Variants in DNAH2 observed in about 807,000 individuals in gnomAD.
DNAH2 encodes dynein axonemal heavy chain 2.
A neutral mutation model predicts 523.5 loss-of-function variants in DNAH2; 323 were observed. The ratio of observed to expected loss-of-function variants is 0.62; its 90% CI spans 0.56 to 0.68. DNAH2 has a LOEUF of 0.68. DNAH2 is among the 30% of genes least tolerant of loss of function. DNAH2 has a pLI of 0.00. For synonymous variants in DNAH2, 2,093 were observed against 2,177.4 expected (o/e 0.96, Z 1.08); for missense variants, 4,907 against 5,701.5 (o/e 0.86, Z 4.49).
intron 63 of DNAH2, among the ~76,000 whole-genome samples, chr17:7,815,141 C>A (rs2077624019): frequency 6.6e-6 from 1 of 152,238 alleles, no homozygotes; most frequent in Non-Finnish European, 1.5e-5. Context: ...AGAATATCTT[C>A]TGGAGAGTGA....
chr17:7,740,590 T>G, intron 10 of DNAH2, 41 bp downstream of exon 10: 1 of 1,607,206 alleles, frequency 6.2e-7, no homozygotes, highest in African/African-American at 1.3e-5. Context: ...CCGTCCCGCG[T>G]GCTTTCCTGG....
chr17:7,734,547 G>A lies in DNAH2; in HGVS notation c.817G>A (p.Gly273Ser), dbSNP rs766570077. 1.4e-5 allele frequency: 22 copies of A among 1,613,696 alleles called. No individual in the cohort carries two copies. Among genetic ancestry groups the A allele is most frequent in the Non-Finnish European group, 1.8e-5 (21 of 1,180,006 alleles). ...QETVETGENLGPLEEIEFWRN... is the reference protein window; with the variant it reads ...QETVETGENLSPLEEIEFWRN... Reference sequence around the variant, plus strand: ...GACTGTGGAGACAGGAGAAAATTTAGGTCCTCTGGAGGAGATTGAGTTCTG... The same window carrying A: ...GACTGTGGAGACAGGAGAAAATTTAAGTCCTCTGGAGGAGATTGAGTTCTG... Residue 273 changes from glycine (G) to serine (S), a missense_variant, in exon 7 of 86, where the codon GGT becomes AGT. Coordinates refer to ENST00000572933, the MANE Select transcript of DNAH2 (RefSeq NM_020877.5).
Position 7,792,235 on chromosome 17 carries a change from C to T in DNAH2, c.7054-17C>T, listed in dbSNP as rs373423768. 56 of 1,612,510 alleles carry T rather than the reference C, an allele frequency of 3.5e-5. No individual in the cohort carries two copies. The highest frequency in any genetic ancestry group is 3.3e-4 in the Middle Eastern group (2 of 6,082). On this transcript the variant is annotated splice_polypyrimidine_tract_variant and intron_variant, in intron 45 of 85. Transcript: ENST00000572933. Reference sequence around the variant, plus strand: ...TCAAGGAAGGCTTTGGTAACCTGACCTACATGCCCTCCTTAGGACACGGTA... The same window carrying T: ...TCAAGGAAGGCTTTGGTAACCTGACTTACATGCCCTCCTTAGGACACGGTA...
chr17:7,833,199 G>A lies in DNAH2; in HGVS notation c.13107G>A (p.Glu4369=). The part of the protein sequence containing the change: ...LMPTIHFRPA[E]SRKKSAKGMY... Reference sequence around the variant, plus strand: ...CCACGATCCACTTCCGGCCTGCAGAGAGCCGCAAGAAGAGCGCCAAGGGTG... The same window carrying A: ...CCACGATCCACTTCCGGCCTGCAGAAAGCCGCAAGAAGAGCGCCAAGGGTG... Residue 4369 remains glutamate, a synonymous_variant, in exon 85 of 86, where the codon GAG becomes GAA. Coordinates refer to ENST00000572933, the MANE Select transcript of DNAH2 (RefSeq NM_020877.5). 4.4e-6 allele frequency: 7 copies of A among 1,607,750 alleles called. No homozygotes were observed. The highest frequency in any genetic ancestry group is 4.2e-6 in the Non-Finnish European group (5 of 1,179,986).
At chr17:7,768,451 A>T (rs960350810) in intron 24 of DNAH2, among the ~76,000 whole-genome samples, 184 bp downstream of exon 24, 2 of 152,210 alleles carry the variant, frequency 1.3e-5, no homozygotes, top group Non-Finnish European at 2.9e-5. Context: ...AAAATTGCAT[A>T]CACTTTGGTG....
intron 77 of DNAH2, among the ~76,000 whole-genome samples, chr17:7,827,630 G>A (rs995766959): frequency 6.6e-6 from 1 of 151,960 alleles, no homozygotes; most frequent in African/African-American, 2.4e-5. Flanking sequence ...ATTTTTTGTA[G>A]AGACGGGGTT....
chr17:7,786,156 C>G lies in DNAH2; in HGVS notation c.6162C>G (p.Asp2054Glu). The part of the protein sequence containing the change: ...LRETVEQEIR[D>E]MGLQSTPFTL... ...AGACCGTTGAGCAGGAGATTCGAGACATGGGCCTGCAAAGCACGCCGTTCA... is the reference window on the plus strand; with the variant it reads ...AGACCGTTGAGCAGGAGATTCGAGAGATGGGCCTGCAAAGCACGCCGTTCA... The change falls in exon 40 of 86, where the codon GAC becomes GAG. Residue 2054 changes from aspartate to glutamate, a missense_variant. By Grantham distance (45) the Asp-to-Glu change is conservative. Around this residue, in one of 3 missense-constraint regions of DNAH2, gnomAD observed 2,806 missense variants for 3,190.8 expected, o/e 0.88. Coordinates refer to ENST00000572933, the MANE Select transcript of DNAH2 (RefSeq NM_020877.5). The surrounding 1 kb of genome is among the most constrained non-coding windows in gnomAD (Gnocchi z 7.5). 1 of 1,613,976 alleles carries G rather than the reference C, an allele frequency of 6.2e-7. No homozygotes were observed. The highest frequency in any genetic ancestry group is 8.5e-7 in the Non-Finnish European group (1 of 1,180,022).
rs749198711 is a variant in DNAH2 at position 7,793,016 on chromosome 17, C to T, written c.7380C>T (p.Ser2460=). The change falls in exon 48 of 86, where the codon AGC becomes AGT. Residue 2460 remains serine, a synonymous_variant. Transcript: ENST00000572933. ...TSNNVQSIIE[S]RVEKRTKGVY... Reference sequence around the variant, plus strand: ...ATAACGTGCAGAGCATCATTGAGAGCAGGGTTGAGAAGCGAACCAAGGGTG... The same window carrying T: ...ATAACGTGCAGAGCATCATTGAGAGTAGGGTTGAGAAGCGAACCAAGGGTG... 22 of 1,613,560 alleles carry T rather than the reference C, an allele frequency of 1.4e-5. 1 individual carries two copies. The South Asian group carries it at 2.3e-4, about 17-fold the overall frequency.
intron 12 of DNAH2, among the ~76,000 whole-genome samples, chr17:7,748,946 G>A (rs1477929772): frequency 6.6e-6 from 1 of 151,874 alleles, no homozygotes; most frequent in Non-Finnish European, 1.5e-5. Flanking sequence ...GCATCAGGAA[G>A]GTATTGTCTG....
At chr17:7,826,043 C>T (rs2078008840) in intron 77 of DNAH2, among the ~76,000 whole-genome samples, 1 of 152,130 alleles carries the variant, frequency 6.6e-6, no homozygotes, top group Admixed American at 6.6e-5. Flanking sequence ...GTATGATAAC[C>T]CTGGCTAGAG....
rs71387992 is a variant in DNAH2 at position 7,725,425 on chromosome 17, A to AAT, written c.229-1682_229-1681dup. 7.2e-4 allele frequency among the ~76,000 whole-genome samples: 90 copies of AAT among 124,862 alleles called. 2 individuals are homozygous for AAT. The highest frequency in any genetic ancestry group is 1.4e-3 in the Admixed American group (17 of 12,494). 81.9% of individuals were successfully genotyped at this position (124,862 alleles called of 152,430 possible). A position where few individuals can be genotyped will look rare whatever the true frequency, so the allele number is the denominator to read the frequency against. On this transcript the variant is annotated intron_variant, in intron 3 of 85. Coordinates refer to ENST00000572933, the MANE Select transcript of DNAH2 (RefSeq NM_020877.5). ...TTTTATTTGTATTTGACTTCAAGTG[A>AAT]ATATATATATATATATTTTCTTTTT...
chr17:7,775,926 C>CA, intron 30 of DNAH2, 98 bp from the exon 31 acceptor site: 1 of 1,505,284 alleles, frequency 6.6e-7, no homozygotes, highest in South Asian at 1.3e-5. Flanking sequence ...TCTCTGGGTA[C>CA]AAAGCCCTGA....
chr17:7,733,475 C>CTTTT lies in DNAH2; in HGVS notation c.628+177_628+180dup, dbSNP rs1199721840. On this transcript the variant is annotated intron_variant, in intron 5 of 85. Transcript: ENST00000572933. ...AGGGTACAAGATCCGCCTTCTTCTTCTTTTTTTTTTTTTTTTTTTTGAGAT... is the reference window on the plus strand; with the variant it reads ...AGGGTACAAGATCCGCCTTCTTCTTCTTTTTTTTTTTTTTTTTTTTTTTTGAGAT... 2.6e-4 allele frequency among the ~76,000 whole-genome samples: 30 copies of CTTTT among 113,850 alleles called. 1 individual carries two copies. Among genetic ancestry groups the CTTTT allele is most frequent in the African/African-American group, 4.5e-4 (14 of 30,858 alleles). The allele number at this position is 113,850 out of a possible 152,430, so 74.7% of individuals were successfully genotyped here.
chr17:7,717,908 AGTT>A lies in DNAH2; in HGVS notation c.-901_-899del, dbSNP rs1781911665. 7.1e-6 allele frequency: 1 copy of A among 141,270 alleles called. No homozygotes were observed. Among genetic ancestry groups the A allele is most frequent in the Admixed American group, 7.5e-5 (1 of 13,394 alleles). 8.8% of individuals were successfully genotyped at this position (141,270 alleles called of 1,614,324 possible). A position where few individuals can be genotyped will look rare whatever the true frequency, so the allele number is the denominator to read the frequency against. On this transcript the variant is annotated 5_prime_UTR_variant, in exon 1 of 86. Transcript: ENST00000572933. Reference sequence around the variant, plus strand: ...CAGTAGTGTCGGGGTAGGAAGGGACAGTTGTTGGGGAGAAGAGGCAGTTGTGGA... The same window carrying A: ...CAGTAGTGTCGGGGTAGGAAGGGACAGTTGGGGAGAAGAGGCAGTTGTGGA...
At chr17:7,787,737 A>T in intron 42 of DNAH2, 123 bp from the exon 43 acceptor site, 8 of 395,196 alleles carry the variant, frequency 2.0e-5, no homozygotes, top group Non-Finnish European at 2.8e-5. Flanking sequence ...CTTTGTCTTA[A>T]AAAAAAAAAA....
rs2078190390 is a variant in DNAH2, at chr17:7,832,049, C to G, written c.12726+274C>G. On this transcript the variant is annotated intron_variant, in intron 82 of 85. Coordinates refer to ENST00000572933, the MANE Select transcript of DNAH2 (RefSeq NM_020877.5). This position sits in a 1 kb window ranked among gnomAD's most constrained non-coding sequence, Gnocchi z 4.3. ...TGTGCCTACCACTCAGTAGGTGCTT[C>G]ATCAATGCTACCTGGTTAATATTAC... is the stretch of plus-strand genomic sequence containing the variant. Among the ~76,000 whole-genome samples, 1 of 152,218 alleles carries G rather than the reference C, an allele frequency of 6.6e-6. No homozygotes were observed. Among genetic ancestry groups the G allele is most frequent in the African/African-American group, 2.4e-5 (1 of 41,454 alleles).
chr17:7,727,360 C>G, intron 4 of DNAH2, 68 bp downstream of exon 4: 12 of 1,553,120 alleles, frequency 7.7e-6, no homozygotes, highest in Non-Finnish European at 1.0e-5. Context: ...GTTCCTTCAT[C>G]ATCCTTAAGT....
chr17:7,720,035 C>A, intron 2 of DNAH2, 135 bp downstream of exon 2: 1 of 1,087,316 alleles, frequency 9.2e-7, no homozygotes, highest in Non-Finnish European at 1.3e-6. Flanking sequence ...CGCCCCCAGC[C>A]ATGGAGGTTC....
chr17:7,816,606 T>A lies in DNAH2; in HGVS notation c.9765T>A (p.Tyr3255Ter). ...AEKLEMLKKQ[Y>*]DEKLAQKEEL... ...AACTGGAGATGCTAAAGAAACAGTATGATGAGAAGCTGGCACAGAAGGAGG... is the reference window on the plus strand; with the variant it reads ...AACTGGAGATGCTAAAGAAACAGTAAGATGAGAAGCTGGCACAGAAGGAGG... Residue 3255 changes from tyrosine to a stop codon, truncating the protein, a stop_gained, in exon 64 of 86, where the codon TAT (tyrosine) becomes TAA (stop). Transcript: ENST00000572933. LOFTEE classifies it high-confidence loss of function. The A allele has an allele frequency of 6.2e-7, 1 of 1,614,170 alleles. No homozygotes were observed. The highest frequency in any genetic ancestry group is 8.5e-7 in the Non-Finnish European group (1 of 1,180,032).
Sources: gnomAD v4.1 joint callset for allele counts (sites outside exome capture counted in the v4.1 genomes callset) on GRCh38, gnomAD v4.1.1 for gene constraint, gnomAD v4.1.1 regional missense constraint, Gnocchi (gnomAD v3.1) non-coding constraint, MANE v1.5 for transcripts, NCBI Gene and HGNC (gene_info 2026-07-23, HGNC 2026-07-21) for gene names.